Variants in CCDC192 observed in about 807,000 individuals in gnomAD.
The protein encoded by CCDC192 is coiled-coil domain containing 192, also known as coiled-coil domain-containing protein 192.
chr5:127,927,440 C>G (rs1280125398), intron 6 of CCDC192, among the ~76,000 whole-genome samples: 1 of 151,738 alleles, frequency 6.6e-6, no homozygotes, highest in Non-Finnish European at 1.5e-5. Flanking sequence ...TGGAACTATC[C>G]CCCGAGAATG....
At chr5:127,771,057 A>G (rs74502881) in intron 3 of CCDC192, among the ~76,000 whole-genome samples, 4,222 of 152,320 alleles carry the variant, frequency 0.028, 85 homozygotes, top group South Asian at 0.053. Flanking sequence ...TTTCTTGACC[A>G]TAAAAATTGA....
intron 6 of CCDC192, among the ~76,000 whole-genome samples, chr5:127,884,199 C>A (rs1752465388): frequency 6.6e-6 from 1 of 151,580 alleles, no homozygotes; most frequent in African/African-American, 2.4e-5. Context: ...AAAAATTAGC[C>A]AGGCGTGGTG....
At chr5:127,702,496 A>G (rs984153083), upstream of CCDC192, among the ~76,000 whole-genome samples, 1 of 152,184 alleles carries the variant, frequency 6.6e-6, no homozygotes, top group Non-Finnish European at 1.5e-5. Context: ...GAAGAAGTAA[A>G]TGCTAATTAT....
chr5:127,732,945 A>C (rs1319731117), intron 2 of CCDC192, among the ~76,000 whole-genome samples: 4 of 152,156 alleles, frequency 2.6e-5, no homozygotes, highest in Non-Finnish European at 5.9e-5. Flanking sequence ...TCACCATGGC[A>C]CACGTTTACC....
intron 5 of CCDC192, among the ~76,000 whole-genome samples, chr5:127,832,754 A>C (rs368749123): frequency 7.9e-5 from 12 of 152,252 alleles, no homozygotes; most frequent in Middle Eastern, 3.4e-3. Context: ...AACCCAAACT[A>C]TATATTTATA....
intron 3 of CCDC192, among the ~76,000 whole-genome samples, chr5:127,781,651 T>G (rs1275292490): frequency 6.6e-6 from 1 of 151,360 alleles, no homozygotes; most frequent in Non-Finnish European, 1.5e-5. Context: ...TTGCTGTTGG[T>G]GTATAGAAGA....
At chr5:127,815,924 C>T (rs530293023) in intron 5 of CCDC192, among the ~76,000 whole-genome samples, 55 of 151,986 alleles carry the variant, frequency 3.6e-4, no homozygotes, top group African/African-American at 1.3e-3. Flanking sequence ...TTGTCAAAAT[C>T]CATGACTGAT....
Position 127,891,455 on chromosome 5 carries a change from A to T in CCDC192, c.535+15794A>T, listed in dbSNP as rs60085950. 2.6e-3 allele frequency among the ~76,000 whole-genome samples: 396 copies of T among 151,988 alleles called. 4 individuals are homozygous for T. Among genetic ancestry groups the T allele is most frequent in the African/African-American group, 9.2e-3 (381 of 41,422 alleles). On this transcript the variant is annotated intron_variant, in intron 6 of 6. Coordinates refer to ENST00000514853, the MANE Select transcript of CCDC192 (RefSeq NM_001317938.2). ...ACCAAATCTAAATTCTTGCTTCTTC[A>T]CTTGTTTTCTCCTGATTGCTTTTTG...
intron 3 of CCDC192, among the ~76,000 whole-genome samples, chr5:127,781,938 A>T (rs908178483): frequency 6.6e-6 from 1 of 152,144 alleles, no homozygotes; most frequent in Non-Finnish European, 1.5e-5. Flanking sequence ...TATGCTTTCA[A>T]CTTTTCACCA....
chr5:127,916,424 G>A (rs1339606155), intron 6 of CCDC192, among the ~76,000 whole-genome samples: 1 of 152,190 alleles, frequency 6.6e-6, no homozygotes, highest in Non-Finnish European at 1.5e-5. Context: ...ACGGCATCTG[G>A]AATGGTGAAT....
intron 2 of CCDC192, among the ~76,000 whole-genome samples, chr5:127,722,347 A>G (rs1156409240): frequency 5.3e-5 from 8 of 151,172 alleles, no homozygotes; most frequent in Non-Finnish European, 1.2e-4. Context: ...CTCCTTATAT[A>G]TCCTGGCTAT....
In CCDC192 at chr5:127,754,069, T is replaced by G. The variant is rs537801420; in HGVS notation, c.115-199T>G. 3.3e-5 allele frequency among the ~76,000 whole-genome samples: 5 copies of G among 152,332 alleles called. No homozygotes were observed. The East Asian group carries it at 9.6e-4, about 29-fold the overall frequency. ...ATCATTTATTTTTTACTCTTTTTACTTTGTATATTTTAAATGAAACTATTG... is the reference window on the plus strand; with the variant it reads ...ATCATTTATTTTTTACTCTTTTTACGTTGTATATTTTAAATGAAACTATTG... On this transcript the variant is annotated intron_variant, in intron 2 of 6. Transcript: ENST00000514853.
At chr5:127,871,539 G>A (rs980151004) in intron 5 of CCDC192, among the ~76,000 whole-genome samples, 12 of 152,116 alleles carry the variant, frequency 7.9e-5, no homozygotes, top group African/African-American at 2.7e-4. Context: ...CATAGTGTCG[G>A]GTAATGTCAT....
intron 5 of CCDC192, among the ~76,000 whole-genome samples, chr5:127,802,004 AC>A (rs1757531324): frequency 1.3e-5 from 2 of 152,168 alleles, no homozygotes. Context: ...ACTGGCTGAA[AC>A]CCAACTATTT....
chr5:127,928,651 C>T (rs1469097670), intron 6 of CCDC192, among the ~76,000 whole-genome samples: 1 of 152,208 alleles, frequency 6.6e-6, no homozygotes, highest in Admixed American at 6.5e-5. Flanking sequence ...ATTCTGCCTA[C>T]CACACTTCCC....
chr5:127,871,670 A>C (rs1417575134), intron 5 of CCDC192, among the ~76,000 whole-genome samples: 1 of 152,128 alleles, frequency 6.6e-6, no homozygotes, highest in Non-Finnish European at 1.5e-5. Context: ...AATACCCAGA[A>C]ATTTTAAACA....
At chr5:127,726,006 T>G (rs1752301118) in intron 2 of CCDC192, among the ~76,000 whole-genome samples, 1 of 152,062 alleles carries the variant, frequency 6.6e-6, no homozygotes, top group South Asian at 2.1e-4. Context: ...TAGTTGAAAA[T>G]AATTGATGAA....
chr5:127,761,244 G>T (rs2569147), intron 3 of CCDC192, among the ~76,000 whole-genome samples: 42,047 of 151,914 alleles, frequency 0.28, 6,479 homozygotes, highest in South Asian at 0.43. Context: ...TGTTTATTGA[G>T]GATTCACTAT....
intron 6 of CCDC192, among the ~76,000 whole-genome samples, chr5:127,894,166 C>G (rs1043122765): frequency 1.3e-5 from 2 of 150,308 alleles, no homozygotes; most frequent in African/African-American, 4.9e-5. Context: ...TCTGATTGCT[C>G]GGATACTTTA....
Sources: allele counts gnomAD v4.1 joint callset (sites outside exome capture counted in the v4.1 genomes callset), GRCh38; gene constraint gnomAD v4.1.1; transcripts MANE v1.5; gene names NCBI Gene and HGNC (gene_info 2026-07-23, HGNC 2026-07-21).